BAZ1B: variants seen among roughly 807,000 people sequenced by gnomAD.
The protein encoded by BAZ1B is bromodomain adjacent to zinc finger domain 1B.
In BAZ1B, 22 loss-of-function variants were observed where a neutral mutation model predicts 153.8. The observed-to-expected ratio is 0.14, with a 90% CI of 0.10 to 0.20. BAZ1B has a LOEUF of 0.20. Among genes scored for constraint, BAZ1B ranks in the 10% least tolerant of loss-of-function variants. The probability of loss-of-function intolerance (pLI) is 1.00; values close to 1 mark genes in which losing one functional copy is unlikely to be tolerated. For synonymous variants in BAZ1B, 676 were observed against 633.4 expected, an observed-to-expected ratio of 1.07 and a Z score of -1.01; for missense variants, 1,325 against 1,799.3, an observed-to-expected ratio of 0.74 and a Z score of 4.77.
intron 2 of BAZ1B, among the ~76,000 whole-genome samples, chr7:73,510,245 T>C (rs568376856): frequency 3.3e-5 from 5 of 152,038 alleles, no homozygotes; most frequent in African/African-American, 7.2e-5. Flanking sequence ...CTGGCTAACA[T>C]AGTGAAACCC....
intron 1 of BAZ1B, among the ~76,000 whole-genome samples, chr7:73,520,576 G>C (rs1790995278): frequency 6.6e-6 from 1 of 152,076 alleles, no homozygotes; most frequent in Non-Finnish European, 1.5e-5. Context: ...ATCCACTTCA[G>C]CTCCAAGATG....
At chr7:73,468,388 T>C (rs1221526176) in intron 9 of BAZ1B, among the ~76,000 whole-genome samples, 1 of 151,652 alleles carries the variant, frequency 6.6e-6, no homozygotes, top group Non-Finnish European at 1.5e-5. Flanking sequence ...TACAAAAAAC[T>C]ATCTTCCTCA....
Position 73,522,045 on chromosome 7 carries a change from G to C in BAZ1B, c.-112C>G, listed in dbSNP as rs1791081726. The C allele has an allele frequency of 4.7e-6, 3 of 634,198 alleles. No individual in the cohort carries two copies. The highest frequency in any genetic ancestry group is 6.8e-6 in the Non-Finnish European group (3 of 443,508). 39.3% of individuals were successfully genotyped at this position (634,198 alleles called of 1,614,324 possible). A position where few individuals can be genotyped will look rare whatever the true frequency, so the allele number is the denominator to read the frequency against. On this transcript the variant is annotated 5_prime_UTR_variant, in exon 1 of 20. Transcript: ENST00000339594. ...CGCCCGGGGGTGGGGTGGGGGAAGG[G>C]AGGGGTGAGAGGGCGGCGCGAACTC...
intron 6 of BAZ1B, among the ~76,000 whole-genome samples, chr7:73,487,870 G>A (rs1321809631): frequency 2.0e-5 from 3 of 152,162 alleles, no homozygotes; most frequent in South Asian, 4.1e-4. Flanking sequence ...AATTTAAAGA[G>A]CATAACAGAA....
intron 1 of BAZ1B, among the ~76,000 whole-genome samples, chr7:73,513,024 G>A (rs1455169504): frequency 6.6e-6 from 1 of 152,084 alleles, no homozygotes; most frequent in Admixed American, 6.6e-5. Flanking sequence ...GTGGGATCAT[G>A]GCTCACTGTA....
At chr7:73,474,685 G>C (rs1179712862) in intron 7 of BAZ1B, among the ~76,000 whole-genome samples, 1 of 152,206 alleles carries the variant, frequency 6.6e-6, no homozygotes, top group Non-Finnish European at 1.5e-5. Context: ...TGAGGCAAGA[G>C]AATCACTTGA....
At chr7:73,456,593 A>G (rs1788208573) in intron 13 of BAZ1B, among the ~76,000 whole-genome samples, 1 of 152,184 alleles carries the variant, frequency 6.6e-6, no homozygotes. Flanking sequence ...CAAAACCACA[A>G]TGAGATACAA....
At chr7:73,470,729 T>C (rs1788770241) in intron 7 of BAZ1B, among the ~76,000 whole-genome samples, 1 of 152,144 alleles carries the variant, frequency 6.6e-6, no homozygotes, top group African/African-American at 2.4e-5. Context: ...ATCTCCAAAA[T>C]ATCACTTCTT....
intron 13 of BAZ1B, among the ~76,000 whole-genome samples, chr7:73,458,537 A>G (rs1175072774): frequency 6.6e-6 from 1 of 151,836 alleles, no homozygotes; most frequent in Non-Finnish European, 1.5e-5. Context: ...TCAGCCAGGC[A>G]TGGTGGCATG....
chr7:73,489,462 T>C (rs1789547448), intron 5 of BAZ1B, 71 bp from the exon 6 acceptor site: 5 of 1,500,582 alleles, frequency 3.3e-6, no homozygotes, highest in East Asian at 2.3e-5. Flanking sequence ...ACAAGCAATA[T>C]ACGTTCTCTC....
At chr7:73,481,759 C>G (rs1229234658) in intron 6 of BAZ1B, among the ~76,000 whole-genome samples, 4 of 151,538 alleles carry the variant, frequency 2.6e-5, no homozygotes, top group African/African-American at 9.7e-5. Context: ...AATGTGTTGC[C>G]GGGCGGGGTG....
At chr7:73,473,133 G>C (rs1788876442) in intron 7 of BAZ1B, among the ~76,000 whole-genome samples, 1 of 152,082 alleles carries the variant, frequency 6.6e-6, no homozygotes, top group African/African-American at 2.4e-5. Flanking sequence ...GTAGAGACAG[G>C]GTTTCACCGT....
At chr7:73,520,016 T>C (rs560721049) in intron 1 of BAZ1B, among the ~76,000 whole-genome samples, 1 of 152,242 alleles carries the variant, frequency 6.6e-6, no homozygotes, top group South Asian at 2.1e-4. Flanking sequence ...GAGACCAGCC[T>C]GGCCAACATG....
intron 3 of BAZ1B, among the ~76,000 whole-genome samples, chr7:73,508,013 G>A (rs1014257630): frequency 6.6e-6 from 1 of 151,114 alleles, no homozygotes; most frequent in Admixed American, 6.6e-5. Context: ...AAAACTAGCC[G>A]GGCGTGGTGG....
In BAZ1B at chr7:73,466,321, T is replaced by C. The variant is rs782172617; in HGVS notation, c.2947A>G (p.Thr983Ala). The change falls in exon 10 of 20, where the codon ACA (threonine) becomes GCA (alanine). Residue 983 changes from threonine (T) to alanine (A), a missense_variant. This residue lies in a region of BAZ1B where 431 missense variants were observed against 563.5 expected (regional missense o/e 0.76). Transcript: ENST00000339594. ...CATAGGTTCTGTCCTTGTTTGGGTG[T>C]GGTTGTCTCTACAGCAACTTCTGTT... Reference protein sequence around the residue: ...TATEVAVETTTPKQGQNLWFL... With the variant: ...TATEVAVETTAPKQGQNLWFL... The C allele has an allele frequency of 4.3e-6, 7 of 1,613,106 alleles. No homozygotes were observed. The highest frequency in any genetic ancestry group is 5.9e-6 in the Non-Finnish European group (7 of 1,179,104).
At chr7:73,483,549 T>C (rs1789280287) in intron 6 of BAZ1B, among the ~76,000 whole-genome samples, 1 of 152,202 alleles carries the variant, frequency 6.6e-6, no homozygotes, top group Admixed American at 6.5e-5. Flanking sequence ...TATAACTTAC[T>C]TTTCATTTTT....
intron 1 of BAZ1B, among the ~76,000 whole-genome samples, chr7:73,511,865 C>CAAA (rs562678974): frequency 8.4e-6 from 1 of 119,368 alleles, no homozygotes. Flanking sequence ...TACTAAAAAT[C>CAAA]AAAAAAAAAA....
chr7:73,514,980 G>C (rs1449846583), intron 1 of BAZ1B, among the ~76,000 whole-genome samples: 1 of 152,072 alleles, frequency 6.6e-6, no homozygotes, highest in Non-Finnish European at 1.5e-5. Context: ...GGCTGAGGCA[G>C]AGAACTGCTT....
intron 16 of BAZ1B, among the ~76,000 whole-genome samples, chr7:73,446,823 C>A (rs1027761920): frequency 5.9e-5 from 9 of 152,226 alleles, no homozygotes; most frequent in Non-Finnish European, 1.2e-4. Flanking sequence ...TATAACCCTG[C>A]ACACTGCAGG....
Sources: gnomAD v4.1 joint callset for allele counts (sites outside exome capture counted in the v4.1 genomes callset) on GRCh38, gnomAD v4.1.1 for gene constraint, gnomAD v4.1.1 regional missense constraint, MANE v1.5 for transcripts, NCBI Gene and HGNC (gene_info 2026-07-23, HGNC 2026-07-21) for gene names.